NEO1: variants seen among roughly 807,000 people sequenced by gnomAD.
The protein encoded by NEO1 is neogenin 1.
In NEO1, 63 loss-of-function variants were observed where a neutral mutation model predicts 159.7. That is an observed-to-expected ratio of 0.39 (90% CI 0.32 to 0.49). NEO1 has a LOEUF of 0.49. Among genes scored for constraint, NEO1 ranks in the 20% least tolerant of loss-of-function variants. NEO1 has a pLI of 0.85. For synonymous variants in NEO1, 633 were observed against 662.0 expected, an observed-to-expected ratio of 0.96 and a Z score of 0.67; for missense variants, 1,615 against 1,831.0, an observed-to-expected ratio of 0.88 and a Z score of 2.15.
intron 5 of NEO1, among the ~76,000 whole-genome samples, chr15:73,172,420 T>C (rs1471082031): frequency 6.6e-6 from 1 of 152,216 alleles, no homozygotes. Context: ...CTTTGATGTG[T>C]TCATTATCAC....
chr15:73,200,000 T>G (rs997622335), intron 7 of NEO1, among the ~76,000 whole-genome samples: 4 of 152,150 alleles, frequency 2.6e-5, no homozygotes, highest in Non-Finnish European at 5.9e-5. Context: ...GGATTAAGTT[T>G]CAGCATGAAT....
chr15:73,258,701 G>T (rs887153642), intron 13 of NEO1, 65 bp from the exon 14 acceptor site: 1 of 1,339,520 alleles, frequency 7.5e-7, no homozygotes. Context: ...CTTAATGAGG[G>T]ATTATTAATC....
At chr15:73,137,716 C>T (rs1439113816) in intron 5 of NEO1, among the ~76,000 whole-genome samples, 1 of 152,110 alleles carries the variant, frequency 6.6e-6, no homozygotes, top group Non-Finnish European at 1.5e-5. Context: ...AGGCTGGTCT[C>T]GAACTCCTGG....
chr15:73,156,951 C>A (rs1175342665), intron 5 of NEO1, among the ~76,000 whole-genome samples: 1 of 152,146 alleles, frequency 6.6e-6, no homozygotes, highest in Non-Finnish European at 1.5e-5. Context: ...ATGCCGAAGT[C>A]TTAACATGGG....
intron 1 of NEO1, among the ~76,000 whole-genome samples, chr15:73,108,188 A>T (rs1000774194): frequency 1.3e-5 from 2 of 152,166 alleles, no homozygotes; most frequent in Non-Finnish European, 2.9e-5. Flanking sequence ...TATTGCTAAG[A>T]CTGTTTATTA....
intron 26 of NEO1, among the ~76,000 whole-genome samples, chr15:73,294,776 G>C (rs2042292027): frequency 6.6e-6 from 1 of 152,174 alleles, no homozygotes; most frequent in Admixed American, 6.5e-5. Context: ...CTGACCTCAA[G>C]TGATCCGCCT....
In NEO1 at chr15:73,278,111, C is replaced by T. The variant is rs373838725; in HGVS notation, c.3194-20C>T. 4.1e-5 allele frequency: 66 copies of T among 1,604,924 alleles called. No individual in the cohort carries two copies. Among genetic ancestry groups the T allele is most frequent in the Non-Finnish European group, 5.2e-5 (61 of 1,173,462 alleles). ...GCCAAATGTGTGGGGTCATTATTGA[C>T]ATGATTTCTTCTCCTTTAGCCTCAG... On this transcript the variant is annotated intron_variant, in intron 21 of 28. Coordinates refer to ENST00000261908, the MANE Select transcript of NEO1 (RefSeq NM_002499.4).
intron 7 of NEO1, among the ~76,000 whole-genome samples, chr15:73,182,435 G>T (rs1002675496): frequency 6.6e-6 from 1 of 152,126 alleles, no homozygotes; most frequent in South Asian, 2.1e-4. Context: ...AATCTACAAC[G>T]TCACAGGTTC....
chr15:73,052,793 C>G lies in NEO1; in HGVS notation c.118C>G (p.Pro40Ala). 9.1e-7 allele frequency: 1 copy of G among 1,097,412 alleles called. No homozygotes were observed. The highest frequency in any genetic ancestry group is 1.1e-6 in the Non-Finnish European group (1 of 890,552). 68.0% of individuals were successfully genotyped at this position (1,097,412 alleles called of 1,614,324 possible). ...CGCGGCCGCCAGGAGCGGCTCCGCGCCGCAGTCCCCAGGTAAGCGGCGGGC... is the reference window on the plus strand; with the variant it reads ...CGCGGCCGCCAGGAGCGGCTCCGCGGCGCAGTCCCCAGGTAAGCGGCGGGC... ...GAAAARSGSA[P>A]QSPGASIRTF... Residue 40 changes from proline to alanine, a missense_variant, in exon 1 of 29, where the codon CCG becomes GCG. Pro to Ala is a conservative substitution (Grantham distance 27). Coordinates refer to ENST00000261908, the MANE Select transcript of NEO1 (RefSeq NM_002499.4).
intron 7 of NEO1, among the ~76,000 whole-genome samples, chr15:73,210,071 A>G (rs2037470845): frequency 6.6e-6 from 1 of 152,216 alleles, no homozygotes; most frequent in Non-Finnish European, 1.5e-5. Flanking sequence ...TATAGATCCT[A>G]TCTGAAGTGC....
At chr15:73,252,925 G>C (rs1453801399) in intron 11 of NEO1, among the ~76,000 whole-genome samples, 1 of 152,186 alleles carries the variant, frequency 6.6e-6, no homozygotes, top group Admixed American at 6.5e-5. Context: ...AGGAGGCAGA[G>C]GTTGCTGTGA....
intron 1 of NEO1, among the ~76,000 whole-genome samples, chr15:73,106,251 G>T (rs992463025): frequency 6.6e-6 from 1 of 151,938 alleles, no homozygotes; most frequent in Non-Finnish European, 1.5e-5. Context: ...TTTTATTAGA[G>T]AACTTGATTA....
intron 8 of NEO1, among the ~76,000 whole-genome samples, chr15:73,243,886 T>C (rs540399011): frequency 1.3e-5 from 2 of 152,334 alleles, no homozygotes; most frequent in African/African-American, 4.8e-5. Flanking sequence ...TAAAAGATGA[T>C]AACCTCTAGC....
At chr15:73,114,894 A>C (rs2071216433) in intron 1 of NEO1, among the ~76,000 whole-genome samples, 1 of 152,118 alleles carries the variant, frequency 6.6e-6, no homozygotes, top group Non-Finnish European at 1.5e-5. Flanking sequence ...TGTTTATTCT[A>C]CTATGATTCC....
intron 7 of NEO1, among the ~76,000 whole-genome samples, chr15:73,226,214 G>A (rs931173123): frequency 1.3e-5 from 2 of 152,112 alleles, no homozygotes; most frequent in South Asian, 2.1e-4. Flanking sequence ...GGGTCCTCTC[G>A]GGATTTCTGG....
chr15:73,160,720 G>A (rs560590563), intron 5 of NEO1, among the ~76,000 whole-genome samples: 2 of 152,266 alleles, frequency 1.3e-5, no homozygotes, highest in African/African-American at 4.8e-5. Flanking sequence ...ACGTGGGAAG[G>A]GGCATGGACT....
intron 7 of NEO1, among the ~76,000 whole-genome samples, chr15:73,230,235 G>A (rs12148396): frequency 2.0e-4 from 30 of 152,212 alleles, no homozygotes; most frequent in African/African-American, 6.5e-4. Flanking sequence ...ATTATAGGTC[G>A]TTCAGACTTC....
At chr15:73,069,595 A>G (rs1567125336) in intron 1 of NEO1, among the ~76,000 whole-genome samples, 1 of 151,866 alleles carries the variant, frequency 6.6e-6, no homozygotes, top group East Asian at 1.9e-4. Context: ...TTTATAGTAA[A>G]TTTCTGTTTA....
At chr15:73,146,391 A>G (rs961671237) in intron 5 of NEO1, among the ~76,000 whole-genome samples, 6 of 152,184 alleles carry the variant, frequency 3.9e-5, no homozygotes, top group Admixed American at 1.3e-4. Context: ...CTTTTATAGT[A>G]TGCTATCTGT....
Sources: allele counts gnomAD v4.1 joint callset (sites outside exome capture counted in the v4.1 genomes callset), GRCh38; gene constraint gnomAD v4.1.1; transcripts MANE v1.5; gene names NCBI Gene and HGNC (gene_info 2026-07-23, HGNC 2026-07-21).